The following LPP variants were observed in gnomAD, a reference collection of about 807,000 sequenced individuals.
LPP encodes LIM domain containing preferred translocation partner in lipoma, also known as lipoma-preferred partner.
LPP carries 38 observed loss-of-function variants against 60.4 expected under a neutral mutation model. The ratio of observed to expected loss-of-function variants is 0.63; its 90% CI spans 0.49 to 0.83. The LOEUF (loss-of-function observed/expected upper bound fraction) is 0.83, where lower values mean the gene tolerates loss of function less well. Ranked by LOEUF, LPP falls within the 40% of genes least tolerant of loss-of-function variation. LPP has a pLI of 0.00. For missense variants in LPP, 902 were observed against 783.6 expected, an observed-to-expected ratio of 1.15 and a Z score of -1.80; for synonymous variants, 328 against 290.8, an observed-to-expected ratio of 1.13 and a Z score of -1.30.
intron 9 of LPP, among the ~76,000 whole-genome samples, chr3:188,768,652 A>C (rs1168829622): frequency 6.6e-6 from 1 of 152,204 alleles, no homozygotes; most frequent in African/African-American, 2.4e-5. Context: ...TTTATTATGC[A>C]ACATTTCTAA....
chr3:188,356,221 A>T (rs1300794134), intron 3 of LPP, among the ~76,000 whole-genome samples: 4 of 152,088 alleles, frequency 2.6e-5, no homozygotes, highest in African/African-American at 9.7e-5. Context: ...TTTCCTACTA[A>T]AAGGGCAGAG....
chr3:188,596,932 C>T (rs1161947909), intron 6 of LPP, among the ~76,000 whole-genome samples: 1 of 152,136 alleles, frequency 6.6e-6, no homozygotes, highest in Non-Finnish European at 1.5e-5. Context: ...TACAGCAACC[C>T]AATTTGTCCC....
chr3:188,221,351 A>T (rs891564596), intron 1 of LPP, among the ~76,000 whole-genome samples: 1 of 152,076 alleles, frequency 6.6e-6, no homozygotes, highest in African/African-American at 2.4e-5. Context: ...TACACTTTTC[A>T]TTCTGTCTTT....
At chr3:188,350,107 G>C (rs987062977) in intron 3 of LPP, among the ~76,000 whole-genome samples, 6 of 152,192 alleles carry the variant, frequency 3.9e-5, no homozygotes, top group African/African-American at 1.2e-4. Context: ...ACTTGGCTGA[G>C]TGTCCACGAA....
intron 7 of LPP, among the ~76,000 whole-genome samples, chr3:188,682,222 A>C (rs1859690377): frequency 6.6e-6 from 1 of 152,192 alleles, no homozygotes; most frequent in Admixed American, 6.5e-5. Context: ...AATTTGCTAT[A>C]TTAATAGCAA....
At chr3:188,634,949 G>A (rs1265334235) in intron 7 of LPP, among the ~76,000 whole-genome samples, 1 of 152,070 alleles carries the variant, frequency 6.6e-6, no homozygotes, top group Non-Finnish European at 1.5e-5. Flanking sequence ...TGCCAAAAAG[G>A]TTGGGGACCA....
At chr3:188,278,614 G>A (rs75041284) in intron 2 of LPP, among the ~76,000 whole-genome samples, 1,952 of 151,774 alleles carry the variant, frequency 0.013, 16 homozygotes, top group Non-Finnish European at 0.019. Flanking sequence ...AGTGGTCTGG[G>A]GACGTGCACA....
In LPP at chr3:188,514,773, G is replaced by A. The variant is rs368320613; in HGVS notation, c.307-9892G>A. ...TTGTTACATGTTTTTCAGTCCAAACGCATAAGAGAAGGAGATTTATTTGCC... is the reference window on the plus strand; with the variant it reads ...TTGTTACATGTTTTTCAGTCCAAACACATAAGAGAAGGAGATTTATTTGCC... On this transcript the variant is annotated intron_variant, in intron 5 of 11. Transcript: ENST00000617246. 7.8e-4 allele frequency among the ~76,000 whole-genome samples: 119 copies of A among 152,276 alleles called. 4 individuals are homozygous for A. The South Asian group carries it at 0.023, about 29-fold the overall frequency.
At chr3:188,858,815 C>T (rs559749551) in intron 9 of LPP, among the ~76,000 whole-genome samples, 118 of 152,154 alleles carry the variant, frequency 7.8e-4, no homozygotes, top group African/African-American at 2.5e-3. Context: ...TTCGGCCGGG[C>T]GTGGTGGCTC....
intron 8 of LPP, among the ~76,000 whole-genome samples, chr3:188,716,132 T>C (rs1444986669): frequency 6.6e-6 from 1 of 152,224 alleles, no homozygotes; most frequent in Non-Finnish European, 1.5e-5. Context: ...TGTTCATCTC[T>C]GAGTATTGTT....
chr3:188,748,115 C>T (rs754407830), intron 8 of LPP, among the ~76,000 whole-genome samples: 4 of 152,114 alleles, frequency 2.6e-5, no homozygotes, highest in Non-Finnish European at 2.9e-5. Flanking sequence ...TCTGCTCCAT[C>T]GTACTGGTGA....
intron 4 of LPP, among the ~76,000 whole-genome samples, chr3:188,476,219 A>G (rs1407717695): frequency 2.0e-5 from 3 of 151,912 alleles, no homozygotes; most frequent in African/African-American, 7.3e-5. Context: ...TGTTAGTTCT[A>G]TTTGTTTGTT....
chr3:188,580,673 G>A (rs1413442609), intron 6 of LPP, among the ~76,000 whole-genome samples: 3 of 152,160 alleles, frequency 2.0e-5, no homozygotes, highest in Admixed American at 1.3e-4. Flanking sequence ...CTTATGAATG[G>A]TTTGTTTCCC....
chr3:188,838,366 C>G (rs1200096461), intron 9 of LPP, among the ~76,000 whole-genome samples: 1 of 152,156 alleles, frequency 6.6e-6, no homozygotes, highest in East Asian at 1.9e-4. Flanking sequence ...TTTGAAACTC[C>G]TAAACCCATG....
At chr3:188,496,557 A>AAGC (rs1237803936) in intron 5 of LPP, among the ~76,000 whole-genome samples, 8 of 152,216 alleles carry the variant, frequency 5.3e-5, no homozygotes, top group Admixed American at 3.9e-4. Flanking sequence ...CTCTGAGGTT[A>AAGC]AGCAGCATTC....
intron 3 of LPP, among the ~76,000 whole-genome samples, chr3:188,363,794 A>T (rs375462391): frequency 6.6e-6 from 1 of 150,952 alleles, no homozygotes; most frequent in Non-Finnish European, 1.5e-5. Flanking sequence ...AATCCCAACT[A>T]CTAGGGAGGC....
At chr3:188,294,056 CAAAAAAAAA>C (rs61312510) in intron 2 of LPP, among the ~76,000 whole-genome samples, 14 of 39,408 alleles carry the variant, frequency 3.6e-4, no homozygotes, top group African/African-American at 6.8e-4. Context: ...CAAACTCTGT[CAAAAAAAAA>C]AAAAAAAAAA....
chr3:188,547,120 A>G (rs1310739116), intron 6 of LPP, among the ~76,000 whole-genome samples: 1 of 152,180 alleles, frequency 6.6e-6, no homozygotes, highest in African/African-American at 2.4e-5. Context: ...GCATTTAAGC[A>G]TATATATTAC....
At chr3:188,807,194 G>A (rs1749418652) in intron 9 of LPP, among the ~76,000 whole-genome samples, 1 of 151,882 alleles carries the variant, frequency 6.6e-6, no homozygotes, top group Admixed American at 6.6e-5. Context: ...CTGACAAGAA[G>A]TCTGCTGTCA....
Sources: gnomAD v4.1 joint callset for allele counts (sites outside exome capture counted in the v4.1 genomes callset) on GRCh38, gnomAD v4.1.1 for gene constraint, MANE v1.5 for transcripts, NCBI Gene and HGNC (gene_info 2026-07-23, HGNC 2026-07-21) for gene names.